LGALS13: variants seen among roughly 807,000 people sequenced by gnomAD.
LGALS13 encodes galactoside-binding soluble lectin 13.
A neutral mutation model predicts 13.2 loss-of-function variants in LGALS13; 11 were observed. The ratio of observed to expected loss-of-function variants is 0.83; its 90% CI spans 0.52 to 1.38. The LOEUF is 1.38. LGALS13 is among the 40% of genes most tolerant of loss of function. LGALS13 has a pLI of 0.00. For synonymous variants in LGALS13, 71 were observed against 63.7 expected, an observed-to-expected ratio of 1.11 and a Z score of -0.54; for missense variants, 183 against 174.3, an observed-to-expected ratio of 1.05 and a Z score of -0.28.
intron 3 of LGALS13, 69 bp downstream of exon 3, chr19:39,605,457 A>T (rs1972673120): frequency 4.6e-6 from 6 of 1,306,056 alleles, no homozygotes; most frequent in South Asian, 1.2e-5. Flanking sequence ...GCTCTCATTG[A>T]TCTGGCCTCA....
chr19:39,605,054 G>A, intron 2 of LGALS13, 124 bp from the exon 3 acceptor site: 1 of 826,308 alleles, frequency 1.2e-6, no homozygotes, highest in Non-Finnish European at 2.0e-6. Flanking sequence ...ACAGGGACCT[G>A]GCCATCAGTA....
At chr19:39,606,983 C>A (rs1568473372) in intron 3 of LGALS13, among the ~76,000 whole-genome samples, 3 of 152,208 alleles carry the variant, frequency 2.0e-5, no homozygotes, top group African/African-American at 7.2e-5. Flanking sequence ...TAAGCAAAGA[C>A]TTTGTGACAC....
chr19:39,605,231 A>T lies in LGALS13; in HGVS notation c.146A>T (p.Asp49Val), dbSNP rs113406245. 5 of 1,614,070 alleles carry T rather than the reference A, an allele frequency of 3.1e-6. No individual in the cohort carries two copies. The East Asian group carries it at 1.1e-4, about 36-fold the overall frequency. Residue 49 changes from aspartate (D) to valine (V), a missense_variant, in exon 3 of 4, where the codon GAT (aspartate) becomes GTT (valine). By Grantham distance (152) the Asp-to-Val change is radical. Coordinates refer to ENST00000221797, the MANE Select transcript of LGALS13 (RefSeq NM_013268.3). ...DFYTDMDEDS[D>V]IAFRFRVHFG... is the part of the protein sequence containing the mutation. ...TACACTGACATGGATGAGGATTCAG[A>T]TATTGCCTTCCGTTTCCGAGTGCAC...
intron 1 of LGALS13, chr19:39,603,967 C>A (rs1407669539): frequency 1.0e-6 from 1 of 985,290 alleles, no homozygotes; most frequent in Non-Finnish European, 1.2e-6. Flanking sequence ...GCTGTGCTCT[C>A]AGTAGTGTGT....
At chr19:39,604,020 T>C (rs550527631) in intron 1 of LGALS13, 1 of 978,264 alleles carries the variant, frequency 1.0e-6, no homozygotes, top group Admixed American at 6.1e-5. Flanking sequence ...ATGATAGTGA[T>C]GCATGTGCAT....
intron 1 of LGALS13, among the ~76,000 whole-genome samples, chr19:39,604,272 G>A (rs1402558671): frequency 2.6e-5 from 4 of 152,076 alleles, no homozygotes; most frequent in South Asian, 2.1e-4. Flanking sequence ...TCCCTATTAC[G>A]GAGAACATCC....
chr19:39,604,699 T>C (rs1196804086), intron 2 of LGALS13, 21 bp downstream of exon 2: 5 of 1,612,674 alleles, frequency 3.1e-6, no homozygotes, highest in Non-Finnish European at 4.2e-6. Context: ...CATGGTCCAA[T>C]GGAGGGGTTG....
chr19:39,607,331 T>C lies in LGALS13; in HGVS notation c.412T>C (p.Cys138Arg). 6.3e-7 allele frequency: 1 copy of C among 1,598,070 alleles called. No individual in the cohort carries two copies. The highest frequency in any genetic ancestry group is 8.6e-7 in the Non-Finnish European group (1 of 1,165,320). Residue 138 changes from cysteine to arginine, a missense_variant, in exon 4 of 4, where the codon TGC becomes CGC. Cys to Arg is a radical substitution (Grantham distance 180). Transcript: ENST00000221797. ...TATCTCCCTGACCTCAGTGTGTGTC[T>C]GCAATTGAGGGAGATGATCACACTC... ...RDISLTSVCV[C>R]N is the part of the protein sequence containing the mutation.
In LGALS13 at chr19:39,607,295, G is replaced by C; in HGVS notation, c.376G>C (p.Val126Leu). ...IPPSFVKMVQ[V>L]SRDISLTSVC... is the part of the protein sequence containing the mutation. ...GCCATCATTTGTGAAGATGGTGCAA[G>C]TGTCGAGAGATATCTCCCTGACCTC... is the stretch of plus-strand genomic sequence containing the variant. The change falls in exon 4 of 4, where the codon GTG becomes CTG. Residue 126 changes from valine (V) to leucine (L), a missense_variant. Val to Leu is a conservative substitution (Grantham distance 32). Coordinates refer to ENST00000221797, the MANE Select transcript of LGALS13 (RefSeq NM_013268.3). The C allele has an allele frequency of 6.2e-7, 1 of 1,614,034 alleles. No homozygotes were observed. The highest frequency in any genetic ancestry group is 1.7e-5 in the Admixed American group (1 of 60,016).
At chr19:39,604,577 T>A in intron 1 of LGALS13, 25 bp from the exon 2 acceptor site, 1 of 1,613,696 alleles carries the variant, frequency 6.2e-7, no homozygotes, top group Non-Finnish European at 8.5e-7. Context: ...CCTGCACCTC[T>A]CACTTACTCT....
intron 1 of LGALS13, 121 bp downstream of exon 1, chr19:39,602,704 G>C (rs573067629): frequency 3.0e-6 from 3 of 990,406 alleles, no homozygotes. Context: ...TAGAGCTATT[G>C]AGGTGTGGAA....
At chr19:39,604,239 G>T (rs1330213773) in intron 1 of LGALS13, among the ~76,000 whole-genome samples, 1 of 152,110 alleles carries the variant, frequency 6.6e-6, no homozygotes, top group Non-Finnish European at 1.5e-5. Context: ...AGGGATTAGG[G>T]TAACACTTTT....
At chr19:39,607,092 T>TAAACAAA in intron 3 of LGALS13, 131 bp from the exon 4 acceptor site, 1 of 746,088 alleles carries the variant, frequency 1.3e-6, no homozygotes, top group Non-Finnish European at 2.5e-6. Context: ...AACATAAGTG[T>TAAACAAA]ATCTAATACG....
chr19:39,602,654 G>T, intron 1 of LGALS13, 71 bp downstream of exon 1: 1 of 1,478,712 alleles, frequency 6.8e-7, no homozygotes, highest in East Asian at 2.3e-5. Flanking sequence ...GAGATTTTAT[G>T]AGATGAAAAT....
chr19:39,602,788 C>T (rs1378066994), intron 1 of LGALS13, among the ~76,000 whole-genome samples: 1 of 152,128 alleles, frequency 6.6e-6, no homozygotes, highest in Non-Finnish European at 1.5e-5. Context: ...GTGTAACCTT[C>T]GGTGAGTGTG....
At chr19:39,603,835 G>C in intron 1 of LGALS13, 1 of 662,130 alleles carries the variant, frequency 1.5e-6, no homozygotes, top group Non-Finnish European at 1.9e-6. Flanking sequence ...CTGGGTGACA[G>C]AGCAAGAACC....
Position 39,604,696 on chromosome 19 carries a change from C to G in LGALS13, c.92+18C>G. Reference sequence around the variant, plus strand: ...TCTTTTATGTGAGTACTCCATGGTCCAATGGAGGGGTTGGAGAAGAAGGGA... The same window carrying G: ...TCTTTTATGTGAGTACTCCATGGTCGAATGGAGGGGTTGGAGAAGAAGGGA... On this transcript the variant is annotated intron_variant, in intron 2 of 3. Transcript: ENST00000221797. 6.2e-7 allele frequency: 1 copy of G among 1,613,336 alleles called. No homozygotes were observed. The highest frequency in any genetic ancestry group is 8.5e-7 in the Non-Finnish European group (1 of 1,179,292).
chr19:39,602,630 C>A, intron 1 of LGALS13, 47 bp downstream of exon 1: 4 of 1,592,190 alleles, frequency 2.5e-6, no homozygotes, highest in Admixed American at 1.7e-5. Flanking sequence ...TCACACAAAC[C>A]AAGAAAGAAA....
At chr19:39,605,799 T>C (rs1972679892) in intron 3 of LGALS13, among the ~76,000 whole-genome samples, 1 of 152,192 alleles carries the variant, frequency 6.6e-6, no homozygotes, top group Non-Finnish European at 1.5e-5. Flanking sequence ...GGAAAAACAT[T>C]ACCAGAGCTC....
Sources: gnomAD v4.1 joint callset for allele counts (sites outside exome capture counted in the v4.1 genomes callset) on GRCh38, gnomAD v4.1.1 for gene constraint, MANE v1.5 for transcripts, NCBI Gene and HGNC (gene_info 2026-07-23, HGNC 2026-07-21) for gene names.